Variants in QKI observed in about 807,000 individuals in gnomAD.
QKI encodes the protein QKI, KH domain containing RNA binding, also known as KH domain-containing RNA-binding protein QKI.
In QKI, 10 loss-of-function variants were observed where a neutral mutation model predicts 39.0. The ratio of observed to expected loss-of-function variants is 0.26; its 90% CI spans 0.16 to 0.43. The LOEUF is 0.43. QKI is among the 20% of genes least tolerant of loss of function. The probability of loss-of-function intolerance (pLI) is 1.00; values close to 1 mark genes in which losing one functional copy is unlikely to be tolerated. For missense variants in QKI, 218 were observed against 428.0 expected (o/e 0.51, Z 4.33); for synonymous variants, 204 against 155.4 (o/e 1.31, Z -2.33).
At chr6:163,538,004 C>T (rs1023789118) in intron 4 of QKI, among the ~76,000 whole-genome samples, 1 of 149,788 alleles carries the variant, frequency 6.7e-6, no homozygotes, top group Admixed American at 6.8e-5. Flanking sequence ...TTACTTTTTG[C>T]TATACCTAAA....
intron 3 of QKI, among the ~76,000 whole-genome samples, chr6:163,486,680 C>G (rs1777702204): frequency 6.6e-6 from 1 of 152,088 alleles, no homozygotes; most frequent in East Asian, 1.9e-4. Context: ...TCCTGACATT[C>G]CATTAGTTTA....
chr6:163,531,912 A>G (rs545491500), intron 3 of QKI, among the ~76,000 whole-genome samples: 92 of 152,334 alleles, frequency 6.0e-4, no homozygotes, highest in African/African-American at 2.2e-3. Flanking sequence ...TGCTCCTTCA[A>G]TTGTTTTTAA....
At chr6:163,567,031 A>T (rs1437007497) in intron 7 of QKI, 1 of 1,157,080 alleles carries the variant, frequency 8.6e-7, no homozygotes, top group Non-Finnish European at 1.1e-6. Context: ...ACTATGATTT[A>T]TTCCTACTAA....
rs1783607913 is a variant in QKI, at chr6:163,569,966, AT to A, written c.1010-724del. ...AAGTGTTCTATATGTGTAAAATAGT[AT>A]TTTCAACTGGAAAGTGTTGGCTAGT... On this transcript the variant is annotated intron_variant, in intron 7 of 7. Transcript: ENST00000361752. The A allele has an allele frequency of 1.9e-5, 19 of 986,348 alleles. No individual in the cohort carries two copies. In the South Asian group the frequency reaches 8.5e-4, roughly 44 times the overall value. The allele number at this position is 986,348 out of a possible 1,614,324, so 61.1% of individuals were successfully genotyped here.
In QKI at chr6:163,560,709, A is replaced by T. The variant is rs115915093; in HGVS notation, c.547-1273A>T. On this transcript the variant is annotated intron_variant, in intron 4 of 7. Coordinates refer to ENST00000361752, the MANE Select transcript of QKI (RefSeq NM_006775.3). ...AGATTATAGGCAACTAAAGTTTTTT[A>T]TATTTTTAGATAGTAAGAAACCATG... 4.4e-3 allele frequency among the ~76,000 whole-genome samples: 675 copies of T among 152,302 alleles called. 7 individuals are homozygous for T. Among genetic ancestry groups the T allele is most frequent in the African/African-American group, 0.015 (630 of 41,574 alleles).
Position 163,520,314 on chromosome 6 carries a change from CTCA to C in QKI, c.403-14663_403-14661del, listed in dbSNP as rs554233870. Among the ~76,000 whole-genome samples, 34 of 152,104 alleles carry C rather than the reference CTCA, an allele frequency of 2.2e-4. 1 individual carries two copies. The South Asian group carries it at 6.0e-3, about 27-fold the overall frequency. ...AATAAAATGGTTAACGTTTAACAAA[CTCA>C]TCATTATAACACTGGATAATGTATA... On this transcript the variant is annotated intron_variant, in intron 3 of 7. Coordinates refer to ENST00000361752, the MANE Select transcript of QKI (RefSeq NM_006775.3).
intron 2 of QKI, among the ~76,000 whole-genome samples, chr6:163,461,922 A>C (rs1791383722): frequency 6.6e-6 from 1 of 152,190 alleles, no homozygotes; most frequent in South Asian, 2.1e-4. Context: ...GTTTATAAGT[A>C]GGTGACCTAA....
At chr6:163,502,143 C>T (rs1324672411) in intron 3 of QKI, among the ~76,000 whole-genome samples, 2 of 151,798 alleles carry the variant, frequency 1.3e-5, no homozygotes, top group Non-Finnish European at 2.9e-5. Context: ...GGCAACACAG[C>T]GAAACCCCAT....
chr6:163,464,005 C>T (rs1049460899), intron 2 of QKI, among the ~76,000 whole-genome samples: 12 of 152,134 alleles, frequency 7.9e-5, no homozygotes, highest in African/African-American at 2.9e-4. Context: ...CAATATTGAG[C>T]TGTAGTGCTC....
chr6:163,477,872 T>C (rs1270912237), intron 2 of QKI, among the ~76,000 whole-genome samples: 1 of 152,214 alleles, frequency 6.6e-6, no homozygotes, highest in Non-Finnish European at 1.5e-5. Flanking sequence ...TGTAATGATA[T>C]ACTAAAAGTT....
intron 2 of QKI, among the ~76,000 whole-genome samples, chr6:163,476,429 A>G (rs990392059): frequency 1.3e-5 from 2 of 152,194 alleles, no homozygotes; most frequent in African/African-American, 4.8e-5. Context: ...GTGTGAAACA[A>G]TGAAAATCTG....
At chr6:163,436,579 C>T (rs892547232) in intron 1 of QKI, among the ~76,000 whole-genome samples, 2 of 151,844 alleles carry the variant, frequency 1.3e-5, no homozygotes, top group East Asian at 1.9e-4. Flanking sequence ...TTTGGGAGGC[C>T]GAGGTGGGCT....
At chr6:163,556,503 CAAAAAAAAAAAA>C (rs61233361) in intron 4 of QKI, among the ~76,000 whole-genome samples, 2 of 83,086 alleles carry the variant, frequency 2.4e-5, no homozygotes, top group Non-Finnish European at 5.1e-5. Flanking sequence ...AATTCCACCT[CAAAAAAAAAAAA>C]AAAAAAAAAC....
chr6:163,484,107 C>G (rs1212803569), intron 3 of QKI, among the ~76,000 whole-genome samples: 1 of 151,962 alleles, frequency 6.6e-6, no homozygotes, highest in Admixed American at 6.6e-5. Context: ...CAATATGTCT[C>G]AACAGTAGGC....
intron 1 of QKI, among the ~76,000 whole-genome samples, chr6:163,437,561 T>C (rs1360116206): frequency 6.6e-6 from 1 of 152,194 alleles, no homozygotes; most frequent in African/African-American, 2.4e-5. Context: ...ACACCTGAAG[T>C]AATTGAGATT....
intron 3 of QKI, among the ~76,000 whole-genome samples, 156 bp downstream of exon 3, chr6:163,479,052 G>A (rs1288241724): frequency 4.6e-5 from 7 of 152,134 alleles, no homozygotes; most frequent in African/African-American, 1.7e-4. Context: ...TTGGGAGGCC[G>A]AGGCAGGCGG....
At chr6:163,570,061 C>T in intron 7 of QKI, 1 of 986,184 alleles carries the variant, frequency 1.0e-6, no homozygotes, top group Non-Finnish European at 1.2e-6. Context: ...TTTAGTATCG[C>T]TTTGTATCAT....
At chr6:163,471,722 CA>C (rs1038938217) in intron 2 of QKI, among the ~76,000 whole-genome samples, 1 of 151,456 alleles carries the variant, frequency 6.6e-6, no homozygotes, top group Non-Finnish European at 1.5e-5. Context: ...GAAAAAGAGG[CA>C]AGAAAGAAAA....
intron 4 of QKI, among the ~76,000 whole-genome samples, chr6:163,558,743 G>A (rs1486700221): frequency 6.6e-6 from 1 of 152,150 alleles, no homozygotes; most frequent in Non-Finnish European, 1.5e-5. Context: ...CATGCCCTGT[G>A]AATACAGAGT....
Sources: gnomAD v4.1 joint callset for allele counts (sites outside exome capture counted in the v4.1 genomes callset) on GRCh38, gnomAD v4.1.1 for gene constraint, MANE v1.5 for transcripts, NCBI Gene and HGNC (gene_info 2026-07-23, HGNC 2026-07-21) for gene names.